The following LMNTD1 variants were observed in gnomAD, a reference collection of about 807,000 sequenced individuals.
LMNTD1 encodes lamin tail domain-containing protein 1.
Under a neutral mutation model 50.9 loss-of-function variants are expected in LMNTD1, and 35 were observed. The observed-to-expected ratio is 0.69, with a 90% CI of 0.53 to 0.91. The LOEUF is 0.91. LMNTD1 is among the 40% of genes least tolerant of loss of function. The pLI, the probability that LMNTD1 is intolerant of heterozygous loss-of-function variation, is 0.00. For missense variants in LMNTD1, 470 were observed against 475.5 expected (o/e 0.99, Z 0.11); for synonymous variants, 153 against 161.9 (o/e 0.94, Z 0.42).
chr12:25,525,704 C>T (rs529276151), intron 6 of LMNTD1, among the ~76,000 whole-genome samples: 2 of 152,032 alleles, frequency 1.3e-5, no homozygotes, highest in Admixed American at 6.6e-5. Context: ...AAAAAAAAAT[C>T]GGGTGAGCTA....
At chr12:25,502,380 G>A (rs1291618601) in intron 9 of LMNTD1, among the ~76,000 whole-genome samples, 1 of 152,174 alleles carries the variant, frequency 6.6e-6, no homozygotes, top group Non-Finnish European at 1.5e-5. Context: ...CTCATTCTTT[G>A]CATTTCAATT....
intron 1 of LMNTD1, among the ~76,000 whole-genome samples, chr12:25,559,505 T>A (rs1206680661): frequency 1.3e-5 from 2 of 152,192 alleles, no homozygotes; most frequent in Non-Finnish European, 2.9e-5. Flanking sequence ...GCAATAAACA[T>A]GTGTGTGCAT....
chr12:25,529,091 C>A (rs1375796180), intron 4 of LMNTD1, among the ~76,000 whole-genome samples: 1 of 152,146 alleles, frequency 6.6e-6, no homozygotes, highest in Admixed American at 6.5e-5. Context: ...CTTCATGTCT[C>A]CTCAGTATTG....
chr12:25,570,326 T>C (rs1436985529), intron 1 of LMNTD1, among the ~76,000 whole-genome samples: 1 of 152,218 alleles, frequency 6.6e-6, no homozygotes, highest in Non-Finnish European at 1.5e-5. Flanking sequence ...GGGAAGCAAT[T>C]ACTTTGACTG....
chr12:25,562,134 A>G (rs138924366), intron 1 of LMNTD1, among the ~76,000 whole-genome samples: 25,355 of 152,110 alleles, frequency 0.17, 2,409 homozygotes, highest in African/African-American at 0.25. Context: ...TAGCCCATTT[A>G]CATTTAAGGT....
At chr12:25,518,705 T>A in intron 8 of LMNTD1, 90 bp downstream of exon 8, 1 of 1,110,404 alleles carries the variant, frequency 9.0e-7, no homozygotes, top group Non-Finnish European at 1.3e-6. Flanking sequence ...CTTTAACACT[T>A]AGCACATTTT....
chr12:25,526,852 G>T lies in LMNTD1; in HGVS notation c.595C>A (p.Leu199Ile), dbSNP rs1302326555. 2 of 1,613,358 alleles carry T rather than the reference G, an allele frequency of 1.2e-6. No individual in the cohort carries two copies. The highest frequency in any genetic ancestry group is 1.3e-5 in the African/African-American group (1 of 75,016). Residue 199 changes from leucine to isoleucine, a missense_variant, in exon 5 of 10, where the codon CTC becomes ATC. Transcript: ENST00000458174. ...DKEMAIGDHI[L>I]QQNVNGQTIS... ...GTTTGTCCATTCACATTTTGCTGGA[G>T]AATATGATCTCCAATTGCCATTTCT...
At chr12:25,493,614 T>A (rs1034655129) in intron 9 of LMNTD1, among the ~76,000 whole-genome samples, 1 of 152,212 alleles carries the variant, frequency 6.6e-6, no homozygotes, top group Non-Finnish European at 1.5e-5. Flanking sequence ...GGACTTGGAA[T>A]ATATTTTATT....
chr12:25,598,646 G>A (rs1011515542), intron 1 of LMNTD1, among the ~76,000 whole-genome samples: 6 of 151,356 alleles, frequency 4.0e-5, no homozygotes, highest in Admixed American at 4.0e-4. Context: ...AATAAATTAA[G>A]TCAGAGATGA....
intron 8 of LMNTD1, among the ~76,000 whole-genome samples, chr12:25,513,711 T>C (rs1259388943): frequency 6.6e-6 from 1 of 151,860 alleles, no homozygotes; most frequent in African/African-American, 2.4e-5. Flanking sequence ...GTTCAGAAAA[T>C]TTGTTGAAAC....
At chr12:25,633,603 T>C (rs1199832185) in intron 1 of LMNTD1, among the ~76,000 whole-genome samples, 3 of 152,232 alleles carry the variant, frequency 2.0e-5, no homozygotes, top group South Asian at 2.1e-4. Context: ...AATCAAGATG[T>C]AAATCTAAAA....
chr12:25,502,764 G>A (rs1037938157), intron 9 of LMNTD1, among the ~76,000 whole-genome samples: 9 of 152,194 alleles, frequency 5.9e-5, no homozygotes, highest in Non-Finnish European at 1.3e-4. Context: ...GAGAGAGTGG[G>A]CTTGACAAAG....
chr12:25,534,963 C>A (rs1942483285), intron 4 of LMNTD1, among the ~76,000 whole-genome samples: 1 of 151,992 alleles, frequency 6.6e-6, no homozygotes, highest in African/African-American at 2.4e-5. Context: ...TATTCTAGCC[C>A]CCAAACAAGG....
At chr12:25,613,677 TTGAA>T (rs1946294366) in intron 1 of LMNTD1, among the ~76,000 whole-genome samples, 1 of 152,180 alleles carries the variant, frequency 6.6e-6, no homozygotes, top group African/African-American at 2.4e-5. Flanking sequence ...TAAGAGATGA[TTGAA>T]TGCATGCATA....
chr12:25,581,815 A>T (rs536989122), intron 1 of LMNTD1, among the ~76,000 whole-genome samples: 1 of 152,350 alleles, frequency 6.6e-6, no homozygotes, highest in East Asian at 1.9e-4. Context: ...CCTGTATAGC[A>T]TGTTACTGTA....
chr12:25,525,058 A>G (rs1591904978), intron 6 of LMNTD1, among the ~76,000 whole-genome samples: 2 of 152,196 alleles, frequency 1.3e-5, no homozygotes, highest in East Asian at 3.8e-4. Context: ...TAGTTATATG[A>G]CATAGTAAGT....
Position 25,546,426 on chromosome 12 carries a change from T to C in LMNTD1, c.439A>G (p.Thr147Ala). The change falls in exon 4 of 10, where the codon ACT becomes GCT. Residue 147 changes from threonine (T) to alanine (A), a missense_variant. Physicochemically the swap from Thr to Ala is moderately conservative, Grantham distance 58 (BLOSUM62 0). Coordinates refer to ENST00000458174, the MANE Select transcript of LMNTD1 (RefSeq NM_001145728.2). ...LTAHSNYTQK[T>A]LKYFSMILEE... The stretch of plus-strand genomic sequence containing the variant: ...AGAATCATAGAAAAGTATTTTAAAG[T>C]TTTCTGAGTGTAGTTTGAGTGTGCT... The C allele has an allele frequency of 6.3e-7, 1 of 1,596,132 alleles. No individual in the cohort carries two copies. Among genetic ancestry groups the C allele is most frequent in the Non-Finnish European group, 8.5e-7 (1 of 1,170,784 alleles).
chr12:25,623,322 A>G (rs530104469), intron 1 of LMNTD1, among the ~76,000 whole-genome samples: 1 of 151,846 alleles, frequency 6.6e-6, no homozygotes, highest in African/African-American at 2.4e-5. Flanking sequence ...GGCCAAAGTG[A>G]GTGGATCACT....
intron 1 of LMNTD1, among the ~76,000 whole-genome samples, chr12:25,600,937 C>T (rs1038296848): frequency 6.6e-6 from 1 of 151,952 alleles, no homozygotes; most frequent in African/African-American, 2.4e-5. Context: ...ACCTAGCAAT[C>T]CCACTGCTGA....
Sources: gnomAD v4.1 joint callset for allele counts (sites outside exome capture counted in the v4.1 genomes callset) on GRCh38, gnomAD v4.1.1 for gene constraint, MANE v1.5 for transcripts, NCBI Gene and HGNC (gene_info 2026-07-23, HGNC 2026-07-21) for gene names.